Variants in UBE2H observed in about 807,000 individuals in gnomAD.
The protein encoded by UBE2H is ubiquitin conjugating enzyme E2 H, also known as ubiquitin-conjugating enzyme E2 H.
A neutral mutation model predicts 29.0 loss-of-function variants in UBE2H; 3 were observed. The observed-to-expected ratio is 0.10, with a 90% confidence interval of 0.05 to 0.27. UBE2H has a LOEUF of 0.27. Ranked by LOEUF, UBE2H falls within the 10% of genes least tolerant of loss-of-function variation. UBE2H has a pLI of 1.00. For synonymous variants in UBE2H, 69 were observed against 82.9 expected (o/e 0.83, Z 0.91); for missense variants, 68 against 228.2 (o/e 0.30, Z 4.52).
chr7:129,899,219 G>A (rs866453450), intron 1 of UBE2H, among the ~76,000 whole-genome samples: 1 of 150,600 alleles, frequency 6.6e-6, no homozygotes, highest in African/African-American at 2.5e-5. Context: ...ACTTTTTCAA[G>A]TATCTGTTTG....
chr7:129,913,670 G>C (rs1296929157), intron 1 of UBE2H, among the ~76,000 whole-genome samples: 1 of 152,166 alleles, frequency 6.6e-6, no homozygotes, highest in Non-Finnish European at 1.5e-5. Flanking sequence ...TGGGTGCAGT[G>C]GCATGCATCT....
At chr7:129,947,285 G>A (rs988535933) in intron 1 of UBE2H, among the ~76,000 whole-genome samples, 9 of 152,176 alleles carry the variant, frequency 5.9e-5, no homozygotes, top group Non-Finnish European at 1.2e-4. Context: ...AGGCAGGGAA[G>A]ACAAATTCAG....
In UBE2H at chr7:129,952,312, AGAAAAGGCGAGCT is replaced by A. The variant is rs1184609841; in HGVS notation, c.53+178_53+190del. Among the ~76,000 whole-genome samples, 3 of 152,082 alleles carry A rather than the reference AGAAAAGGCGAGCT, an allele frequency of 2.0e-5. No individual in the cohort carries two copies. In the East Asian group the frequency reaches 5.8e-4, roughly 30 times the overall value. ...CAACGCGTATTTCGGGGTGCTGCGG[AGAAAAGGCGAGCT>A]GAAAAGGCTCTCGGCCCCTGGGAGG... is the stretch of plus-strand genomic sequence containing the variant. On this transcript the variant is annotated intron_variant, in intron 1 of 6. Transcript: ENST00000355621.
chr7:129,886,758 G>GTTTTTTTGTT (rs1554435085), intron 1 of UBE2H, among the ~76,000 whole-genome samples: 1 of 40,300 alleles, frequency 2.5e-5, no homozygotes, highest in Admixed American at 2.3e-4. Flanking sequence ...CTGGTTTTTT[G>GTTTTTTTGTT]TTTTTTGGTA....
chr7:129,909,119 T>G (rs1806877480), intron 1 of UBE2H, among the ~76,000 whole-genome samples: 1 of 152,252 alleles, frequency 6.6e-6, no homozygotes, highest in Admixed American at 6.5e-5. Flanking sequence ...AACCATCATT[T>G]GAACCTCATT....
At chr7:129,878,858 CAAAAAA>C (rs11405982) in intron 3 of UBE2H, among the ~76,000 whole-genome samples, 1 of 144,740 alleles carries the variant, frequency 6.9e-6, no homozygotes, top group Non-Finnish European at 1.5e-5. Context: ...TAAAGTGAAG[CAAAAAA>C]AAAAAAAGCT....
intron 1 of UBE2H, among the ~76,000 whole-genome samples, chr7:129,931,718 T>A (rs1275092684): frequency 6.6e-6 from 1 of 152,178 alleles, no homozygotes; most frequent in South Asian, 2.1e-4. Flanking sequence ...CATTTTTTGT[T>A]GATATAATGC....
At position 129,932,412 on chromosome 7, in the gene UBE2H, CACGCCCAGCCT is replaced by C. The variant is rs1807426033; in HGVS notation, c.53+20080_53+20090del. The stretch of plus-strand genomic sequence containing the variant: ...TGCTGGGATTATAGGCGTGAGGCAC[CACGCCCAGCCT>C]ACTTTGCATTTTTAATGGATCTTTT... On this transcript the variant is annotated intron_variant, in intron 1 of 6. Coordinates refer to ENST00000355621, the MANE Select transcript of UBE2H (RefSeq NM_003344.4). Among the ~76,000 whole-genome samples, 2 of 151,634 alleles carry C rather than the reference CACGCCCAGCCT, an allele frequency of 1.3e-5. 1 individual carries two copies. Among genetic ancestry groups the C allele is most frequent in the Admixed American group, 1.3e-4 (2 of 15,186 alleles).
At chr7:129,885,452 C>T (rs1806340179) in intron 1 of UBE2H, among the ~76,000 whole-genome samples, 1 of 152,158 alleles carries the variant, frequency 6.6e-6, no homozygotes, top group African/African-American at 2.4e-5. Flanking sequence ...ACTGAAGATA[C>T]CTTTTCTATC....
chr7:129,870,713 A>T (rs1203857674), intron 3 of UBE2H, among the ~76,000 whole-genome samples: 1 of 142,266 alleles, frequency 7.0e-6, no homozygotes, highest in East Asian at 1.9e-4. Context: ...ACAGCAGTAG[A>T]ATGATCATTA....
At position 129,867,720 on chromosome 7, in the gene UBE2H, AAACC is replaced by A. The variant is rs1373126503; in HGVS notation, c.206-8783_206-8780del. Reference sequence around the variant, plus strand: ...ATAATAAAAAAAAAAAAAAAAAAGAAAACCAAAAAAAAAAAAAAAAAAGAAGACC... The same window carrying A: ...ATAATAAAAAAAAAAAAAAAAAAGAAAAAAAAAAAAAAAAAAAAGAAGACC... On this transcript the variant is annotated intron_variant, in intron 3 of 6. Coordinates refer to ENST00000355621, the MANE Select transcript of UBE2H (RefSeq NM_003344.4). Among the ~76,000 whole-genome samples, 187 of 78,352 alleles carry A rather than the reference AAACC, an allele frequency of 2.4e-3. 4 individuals carry two copies. Among genetic ancestry groups the A allele is most frequent in the African/African-American group, 6.6e-3 (124 of 18,802 alleles). The allele number at this position is 78,352 out of a possible 152,430, so 51.4% of individuals were successfully genotyped here. A position where few individuals can be genotyped will look rare whatever the true frequency, so the allele number is the denominator to read the frequency against.
At chr7:129,943,991 TATAAA>T (rs1425537212) in intron 1 of UBE2H, among the ~76,000 whole-genome samples, 1 of 152,210 alleles carries the variant, frequency 6.6e-6, no homozygotes, top group Non-Finnish European at 1.5e-5. Context: ...ATTCATATAC[TATAAA>T]ATAAGGTTAA....
At chr7:129,938,925 A>G (rs1321931368) in intron 1 of UBE2H, among the ~76,000 whole-genome samples, 1 of 151,512 alleles carries the variant, frequency 6.6e-6, no homozygotes, top group African/African-American at 2.4e-5. Flanking sequence ...CAGCCTCCCG[A>G]GCAGCTTTGA....
At chr7:129,847,025 A>T (rs62491493) in intron 5 of UBE2H, among the ~76,000 whole-genome samples, 17,127 of 148,184 alleles carry the variant, frequency 0.12, 1,168 homozygotes, top group East Asian at 0.25. Flanking sequence ...TATTATTATT[A>T]TTATTATTTT....
rs1045896 is a variant in UBE2H at position 129,952,677 on chromosome 7, G to A, written c.-122C>T. 0.15 allele frequency: 180,224 copies of A among 1,187,032 alleles called. 14,257 individuals are homozygous for A. Among genetic ancestry groups the A allele is most frequent in the East Asian group, 0.18 (6,145 of 33,526 alleles). The allele number at this position is 1,187,032 out of a possible 1,614,324, so 73.5% of individuals were successfully genotyped here. A position where few individuals can be genotyped will look rare whatever the true frequency, so the allele number is the denominator to read the frequency against. On this transcript the variant is annotated 5_prime_UTR_variant, in exon 1 of 7. Transcript: ENST00000355621. ...AGGTGGCAACACCCCCGCGGTCCCG[G>A]CGGTCCCGTCAGCCGCCGCCGCCGC...
At chr7:129,898,937 A>G (rs1333023915) in intron 1 of UBE2H, among the ~76,000 whole-genome samples, 1 of 151,854 alleles carries the variant, frequency 6.6e-6, no homozygotes, top group Non-Finnish European at 1.5e-5. Context: ...AGAGATGTTT[A>G]TATACACACA....
chr7:129,879,708 AATTAAAC>A, intron 2 of UBE2H, 66 bp from the exon 3 acceptor site: 1 of 1,426,986 alleles, frequency 7.0e-7, no homozygotes, highest in Non-Finnish European at 9.8e-7. Flanking sequence ...TCTGAGTGTA[AATTAAAC>A]ATTATCCCCT....
intron 1 of UBE2H, among the ~76,000 whole-genome samples, chr7:129,898,191 TACA>T (rs552030830): frequency 1.2e-4 from 18 of 152,190 alleles, no homozygotes; most frequent in African/African-American, 3.6e-4. Flanking sequence ...TGCAATGTGA[TACA>T]ACAAGAGTGG....
At chr7:129,918,161 G>C (rs1282619005) in intron 1 of UBE2H, among the ~76,000 whole-genome samples, 1 of 152,142 alleles carries the variant, frequency 6.6e-6, no homozygotes, top group African/African-American at 2.4e-5. Flanking sequence ...GCCAAAAGCT[G>C]CAAGAAGTCC....
Sources: gnomAD v4.1 joint callset for allele counts (sites outside exome capture counted in the v4.1 genomes callset) on GRCh38, gnomAD v4.1.1 for gene constraint, MANE v1.5 for transcripts, NCBI Gene and HGNC (gene_info 2026-07-23, HGNC 2026-07-21) for gene names.